FAM107A: variants seen among roughly 807,000 people sequenced by gnomAD.
FAM107A encodes actin-associated protein FAM107A.
FAM107A carries 19 observed loss-of-function variants against 13.7 expected under a neutral mutation model. The observed-to-expected ratio is 1.38, with a 90% CI of 0.97 to 2.03. The LOEUF (loss-of-function observed/expected upper bound fraction) is 2.03, where lower values mean the gene tolerates loss of function less well. Among genes scored for constraint, FAM107A ranks in the 30% most tolerant of loss-of-function variants. FAM107A has a pLI of 0.00. For missense variants in FAM107A, 203 were observed against 184.4 expected (o/e 1.10, Z -0.58); for synonymous variants, 82 against 74.5 (o/e 1.10, Z -0.52).
Position 58,604,031 on chromosome 3 carries a change from C to T in FAM107A, c.-69-14762G>A, listed in dbSNP as rs2065773033. Among the ~76,000 whole-genome samples the T allele has an allele frequency of 6.6e-6, 1 of 152,154 alleles. No homozygotes were observed. Among genetic ancestry groups the T allele is most frequent in the Admixed American group, 6.5e-5 (1 of 15,278 alleles). ...CCGTGGGTGGAAGCCCTCCCAATAG[C>T]CCCTGCCCCACCAGATGCCCCTCCG... On this transcript the variant is annotated intron_variant, in intron 1 of 3. Coordinates refer to the FAM107A transcript ENST00000465970. The surrounding 1 kb of genome is among the most constrained non-coding windows in gnomAD (Gnocchi z 4.1).
chr3:58,589,066 T>C, upstream of FAM107A: 1 of 626,076 alleles, frequency 1.6e-6, no homozygotes, highest in Non-Finnish European at 2.8e-6. Flanking sequence ...GTGCCAGAAC[T>C]TATGCTGCAA....
upstream of FAM107A, among the ~76,000 whole-genome samples, chr3:58,591,784 C>G (rs944500397): frequency 6.6e-6 from 1 of 152,186 alleles, no homozygotes; most frequent in Admixed American, 6.5e-5. The surrounding 1 kb of genome is among the most constrained non-coding windows in gnomAD (Gnocchi z 4.3). Context: ...ATACTGTACT[C>G]GCCTTGAAGA....
chr3:58,611,270 C>A (rs918824515), intron 1 of FAM107A, among the ~76,000 whole-genome samples: 5 of 86 alleles, frequency 0.058, no homozygotes, highest in Non-Finnish European at 0.11. Context: ...GCAAGGAGGC[C>A]CTGCCAGGGG....
chr3:58,567,002 A>G, intron 3 of FAM107A: 1 of 634,134 alleles, frequency 1.6e-6, no homozygotes, highest in Non-Finnish European at 2.8e-6. Context: ...TGGGCCAGTG[A>G]GGAAGCTGAG....
rs1450657536 is a variant in FAM107A, at chr3:58,566,202, G to A, written c.*386C>T. 1.0e-4 allele frequency: 18 copies of A among 172,734 alleles called. No homozygotes were observed. Among genetic ancestry groups the A allele is most frequent in the East Asian group, 9.7e-4 (6 of 6,186 alleles). The allele number at this position is 172,734 out of a possible 1,614,324, so 10.7% of individuals were successfully genotyped here. ...CTGAGACCTAGGAGCTGGGGTGTAC[G>A]GAGAAGCGGGGCCCTGGGGAGCCTC... On this transcript the variant is annotated 3_prime_UTR_variant, in exon 4 of 4. Transcript: ENST00000360997.
Position 58,613,935 on chromosome 3 carries a change from T to C in FAM107A, c.-70+13481A>G, listed in dbSNP as rs1005652907. ...GGTGCCACAACTCCCTGCAGCCTGC[T>C]GTACCTGGGAAGTGCCAGTGGGCTG... On this transcript the variant is annotated intron_variant, in intron 1 of 3. Transcript: ENST00000465970. The surrounding 1 kb of genome is among the most constrained non-coding windows in gnomAD (Gnocchi z 4.6). 6.6e-6 allele frequency among the ~76,000 whole-genome samples: 1 copy of C among 152,212 alleles called. No homozygotes were observed. The highest frequency in any genetic ancestry group is 1.5e-5 in the Non-Finnish European group (1 of 68,024).
intron 1 of FAM107A, among the ~76,000 whole-genome samples, chr3:58,571,618 T>C (rs1307356626): frequency 3.3e-5 from 5 of 152,164 alleles, no homozygotes; most frequent in African/African-American, 1.2e-4. Context: ...GGGTATTTTA[T>C]TGTCTGTGGG....
chr3:58,603,003 G>C (rs2065765121), intron 1 of FAM107A, among the ~76,000 whole-genome samples: 2 of 152,114 alleles, frequency 1.3e-5, no homozygotes, highest in South Asian at 2.1e-4. Flanking sequence ...ATAAACAAGT[G>C]GTGGGGAATT....
intron 1 of FAM107A, among the ~76,000 whole-genome samples, chr3:58,602,205 G>T (rs1448631358): frequency 6.6e-6 from 1 of 152,156 alleles, no homozygotes; most frequent in African/African-American, 2.4e-5. Context: ...GTCCACAAAC[G>T]TAAGAAAGAT....
At chr3:58,600,613 T>G (rs2065745507) in intron 1 of FAM107A, among the ~76,000 whole-genome samples, 1 of 152,250 alleles carries the variant, frequency 6.6e-6, no homozygotes, top group Non-Finnish European at 1.5e-5. Flanking sequence ...AGAGGATGGA[T>G]ATGTTCACTG....
intron 1 of FAM107A, among the ~76,000 whole-genome samples, chr3:58,575,924 C>G (rs1028319707): frequency 3.3e-5 from 5 of 152,206 alleles, no homozygotes; most frequent in Non-Finnish European, 7.3e-5. Context: ...CTGCTGGGTT[C>G]CGAACACATT....
chr3:58,570,116 T>A (rs1026238137), intron 1 of FAM107A, among the ~76,000 whole-genome samples: 6 of 152,190 alleles, frequency 3.9e-5, no homozygotes, highest in African/African-American at 1.4e-4. Context: ...AGTATAGAAG[T>A]AAAATGATAA....
rs1206997958 is a variant in FAM107A, at chr3:58,569,315, C to T, written c.170+376G>A. 2.6e-5 allele frequency among the ~76,000 whole-genome samples: 4 copies of T among 152,178 alleles called. No homozygotes were observed. The highest frequency in any genetic ancestry group is 6.5e-5 in the Admixed American group (1 of 15,276). The stretch of plus-strand genomic sequence containing the variant: ...AGGCCTATTTATGCCCTCATCAATG[C>T]ACCCATCCTACTGCCTGGCTATGCA... On this transcript the variant is annotated intron_variant, in intron 2 of 3. Coordinates refer to ENST00000360997, the MANE Select transcript of FAM107A (RefSeq NM_001076778.3). This position sits in a 1 kb window ranked among gnomAD's most constrained non-coding sequence, Gnocchi z 5.7.
In FAM107A at chr3:58,605,841, A is replaced by G. The variant is rs140494586; in HGVS notation, c.-69-16572T>C. 6.0e-4 allele frequency among the ~76,000 whole-genome samples: 91 copies of G among 152,364 alleles called. 1 individual carries two copies. The East Asian group carries it at 0.017, about 29-fold the overall frequency. ...CAGTGACTTGCCAAAAAGGCACAGT[A>G]GTAGACCCAAGAATCAGGTTTGCTG... On this transcript the variant is annotated intron_variant, in intron 1 of 3. Transcript: ENST00000465970.
exon 1 of FAM107A, chr3:58,586,864 G>T: frequency 2.0e-6 from 3 of 1,530,448 alleles, no homozygotes; most frequent in Non-Finnish European, 2.6e-6. Flanking sequence ...TTACCCGACC[G>T]GAGCAGCACA....
chr3:58,627,208 G>A, intron 1 of FAM107A: 1 of 569,000 alleles, frequency 1.8e-6, no homozygotes. Flanking sequence ...GATCCTGACA[G>A]AGGGGCCAGT....
chr3:58,612,496 C>T (rs2065864084), intron 1 of FAM107A, among the ~76,000 whole-genome samples: 2 of 151,696 alleles, frequency 1.3e-5, no homozygotes, highest in South Asian at 2.1e-4. Flanking sequence ...GGGAGGATCA[C>T]TTGAGCCAGG....
rs188396722 is a variant in FAM107A, at chr3:58,568,927, A to T, written c.170+764T>A. ...GATGCCCCTCTGGCTCGTCTCTGTC[A>T]TTGCACACCACGGCCTTCCACGGAA... On this transcript the variant is annotated intron_variant, in intron 2 of 3. Coordinates refer to ENST00000360997, the MANE Select transcript of FAM107A (RefSeq NM_001076778.3). 6.2e-3 allele frequency among the ~76,000 whole-genome samples: 947 copies of T among 151,908 alleles called. 8 individuals carry two copies. Among genetic ancestry groups the T allele is most frequent in the Non-Finnish European group, 8.7e-3 (594 of 67,958 alleles).
chr3:58,592,151 G>T (rs775686021), intron 1 of FAM107A, among the ~76,000 whole-genome samples: 17 of 152,154 alleles, frequency 1.1e-4, no homozygotes, highest in South Asian at 4.1e-4. Context: ...TTTAATGAAA[G>T]GCTTAAGGGA....
Sources: allele counts gnomAD v4.1 joint callset (sites outside exome capture counted in the v4.1 genomes callset), GRCh38; gene constraint gnomAD v4.1.1; non-coding constraint Gnocchi (gnomAD v3.1); transcripts MANE v1.5; gene names NCBI Gene and HGNC (gene_info 2026-07-23, HGNC 2026-07-21).